The following STXBP4 variants were observed in gnomAD, a reference collection of about 807,000 sequenced individuals.
The protein encoded by STXBP4 is syntaxin-binding protein 4.
A neutral mutation model predicts 76.1 loss-of-function variants in STXBP4; 55 were observed. That is an observed-to-expected ratio of 0.72 (90% CI 0.58 to 0.91). STXBP4 has a LOEUF of 0.91. Among genes scored for constraint, STXBP4 ranks in the 40% least tolerant of loss-of-function variants. The pLI, the probability that STXBP4 is intolerant of heterozygous loss-of-function variation, is 0.00. For synonymous variants in STXBP4, 201 were observed against 220.2 expected (o/e 0.91, Z 0.77); for missense variants, 618 against 636.9 (o/e 0.97, Z 0.32).
chr17:55,212,927 G>A, the STXBP4 span, among the ~76,000 whole-genome samples: 1 of 152,108 alleles, frequency 6.6e-6, no homozygotes. Context: ...CCAACACACG[G>A]AGGACACGCA....
chr17:55,076,914 A>G (rs948090270), intron 13 of STXBP4, among the ~76,000 whole-genome samples: 9 of 152,068 alleles, frequency 5.9e-5, no homozygotes, highest in African/African-American at 1.9e-4. Context: ...TTATAATTGT[A>G]TCTAACTGGA....
intron 11 of STXBP4, among the ~76,000 whole-genome samples, chr17:55,046,000 G>A (rs969108258): frequency 6.6e-6 from 1 of 151,958 alleles, no homozygotes; most frequent in Admixed American, 6.6e-5. Context: ...TGTCTAATAT[G>A]AGGTACAAAT....
chr17:55,208,358 T>A, the STXBP4 span, among the ~76,000 whole-genome samples: 17 of 152,230 alleles, frequency 1.1e-4, no homozygotes, highest in South Asian at 6.2e-4. Context: ...TGTGTAGGTG[T>A]TTATAAGATG....
chr17:55,019,571 A>G (rs562055566), intron 8 of STXBP4, among the ~76,000 whole-genome samples: 1 of 152,084 alleles, frequency 6.6e-6, no homozygotes, highest in Non-Finnish European at 1.5e-5. Context: ...TATTATTATA[A>G]TCTTGTAGCC....
chr17:55,079,179 G>T (rs761516158), intron 15 of STXBP4, among the ~76,000 whole-genome samples: 10 of 152,012 alleles, frequency 6.6e-5, no homozygotes, highest in Non-Finnish European at 1.5e-4. Flanking sequence ...TCTTTCAGTA[G>T]CTATAAATAA....
At chr17:55,072,463 G>C (rs2079132247) in intron 12 of STXBP4, among the ~76,000 whole-genome samples, 2 of 152,164 alleles carry the variant, frequency 1.3e-5, no homozygotes, top group African/African-American at 4.8e-5. Context: ...CCTGGAGCTT[G>C]GTCCATGGAG....
intron 12 of STXBP4, among the ~76,000 whole-genome samples, chr17:55,053,016 A>G (rs140300208): frequency 1.3e-5 from 2 of 150,470 alleles, no homozygotes; most frequent in African/African-American, 2.4e-5. Flanking sequence ...AAAAGTTTAC[A>G]GGTTAAAAGA....
chr17:54,973,168 G>T (rs972974838), intron 1 of STXBP4, among the ~76,000 whole-genome samples: 7 of 152,188 alleles, frequency 4.6e-5, no homozygotes, highest in Admixed American at 2.6e-4. Flanking sequence ...GGGGAAGCAG[G>T]CTTAGAATGA....
rs144015618 is a variant in STXBP4, at chr17:55,076,209, T to A, written c.1189-1869T>A. Among the ~76,000 whole-genome samples, 1,266 of 152,284 alleles carry A rather than the reference T, an allele frequency of 8.3e-3. 10 individuals carry two copies. The highest frequency in any genetic ancestry group is 0.031 in the Middle Eastern group (9 of 294). ...CATTTTTGTCAGTATTTTAGTTCTT[T>A]CTTTACTTTTAAGACCACAAATTAG... On this transcript the variant is annotated intron_variant, in intron 13 of 17. Coordinates refer to ENST00000376352, the MANE Select transcript of STXBP4 (RefSeq NM_178509.6).
At chr17:55,143,123 A>G (rs957321597) in intron 17 of STXBP4, among the ~76,000 whole-genome samples, 1 of 152,206 alleles carries the variant, frequency 6.6e-6, no homozygotes, top group African/African-American at 2.4e-5. Context: ...AGCCAGGAAT[A>G]TGCTAGGTGT....
Position 55,128,112 on chromosome 17 carries a change from A to G in STXBP4, c.1490-13198A>G, listed in dbSNP as rs143610407. ...TCATAACAACAGTAAAATTTCAAAT[A>G]TGTGCAAGATTCACTAAATCATCAG... On this transcript the variant is annotated intron_variant, in intron 16 of 17. Coordinates refer to ENST00000376352, the MANE Select transcript of STXBP4 (RefSeq NM_178509.6). 3.9e-3 allele frequency among the ~76,000 whole-genome samples: 587 copies of G among 152,358 alleles called. 1 individual carries two copies. Among genetic ancestry groups the G allele is most frequent in the Admixed American group, 6.1e-3 (94 of 15,308 alleles).
intron 16 of STXBP4, among the ~76,000 whole-genome samples, chr17:55,123,097 T>G (rs2079864618): frequency 6.6e-6 from 1 of 152,150 alleles, no homozygotes; most frequent in Non-Finnish European, 1.5e-5. Flanking sequence ...AGAAGAAAAG[T>G]ATGCTCAAAT....
intron 3 of STXBP4, among the ~76,000 whole-genome samples, chr17:54,987,055 A>G (rs917731124): frequency 1.3e-5 from 2 of 152,224 alleles, no homozygotes; most frequent in African/African-American, 4.8e-5. Flanking sequence ...CATGGGCCAA[A>G]GCAATTTAAA....
chr17:55,125,479 C>CAAAAAAAAAAAAAAAAAAAAAAAAAAAAA (rs10632680), intron 16 of STXBP4, among the ~76,000 whole-genome samples: 2 of 91,778 alleles, frequency 2.2e-5, no homozygotes, highest in Non-Finnish European at 2.1e-5. Context: ...GGACAAAATA[C>CAAAAAAAAAAAAAAAAAAAAAAAAAAAAA]AAAAAAAAAA....
At chr17:55,090,028 A>G (rs757315675) in intron 16 of STXBP4, among the ~76,000 whole-genome samples, 1 of 152,252 alleles carries the variant, frequency 6.6e-6, no homozygotes, top group South Asian at 2.1e-4. Context: ...TGTTACTCCC[A>G]CTGCTAAACA....
At chr17:55,012,604 G>T (rs2144576529) in intron 8 of STXBP4, among the ~76,000 whole-genome samples, 1 of 152,214 alleles carries the variant, frequency 6.6e-6, no homozygotes, top group South Asian at 2.1e-4. Context: ...TGGGCATGGA[G>T]GACTAGGTGA....
At chr17:54,983,111 C>T (rs1197493001) in intron 1 of STXBP4, among the ~76,000 whole-genome samples, 1 of 152,112 alleles carries the variant, frequency 6.6e-6, no homozygotes, top group Non-Finnish European at 1.5e-5. Context: ...TAACATGGTG[C>T]CTGGCTGTAT....
chr17:55,185,809 AC>A, the STXBP4 span, among the ~76,000 whole-genome samples: 7 of 152,152 alleles, frequency 4.6e-5, no homozygotes, highest in African/African-American at 9.7e-5. Context: ...TTAATGGTTG[AC>A]CCAAGCCTTA....
At chr17:55,151,772 A>G (rs1044771976) in intron 17 of STXBP4, among the ~76,000 whole-genome samples, 2 of 152,246 alleles carry the variant, frequency 1.3e-5, no homozygotes, top group African/African-American at 4.8e-5. Flanking sequence ...AGATTTGCTT[A>G]GCTAAAAATA....
Sources: gnomAD v4.1 joint callset for allele counts (sites outside exome capture counted in the v4.1 genomes callset) on GRCh38, gnomAD v4.1.1 for gene constraint, MANE v1.5 for transcripts, NCBI Gene and HGNC (gene_info 2026-07-23, HGNC 2026-07-21) for gene names.